The following CRACD variants were observed in gnomAD, a reference collection of about 807,000 sequenced individuals.
CRACD encodes the protein capping protein-inhibiting regulator of actin dynamics.
Under a neutral mutation model 106.8 loss-of-function variants are expected in CRACD, and 56 were observed. That is an observed-to-expected ratio of 0.52 (90% CI 0.42 to 0.66). CRACD has a LOEUF of 0.66. Ranked by LOEUF, CRACD falls within the 30% of genes least tolerant of loss-of-function variation. CRACD has a pLI of 0.00. For missense variants in CRACD, 1,730 were observed against 1,623.2 expected (o/e 1.07, Z -1.13); for synonymous variants, 754 against 670.8 (o/e 1.12, Z -1.92).
rs187376087 is a variant in CRACD, at chr4:56,080,896, C to T, written c.-336+31597C>T. On this transcript the variant is annotated intron_variant, in intron 1 of 10. Transcript: ENST00000682029. Reference sequence around the variant, plus strand: ...ATACATTTGGAGAAGCAATGCCTTTCTCCCTAAAAACAAAATTCTAAGTGG... The same window carrying T: ...ATACATTTGGAGAAGCAATGCCTTTTTCCCTAAAAACAAAATTCTAAGTGG... Among the ~76,000 whole-genome samples, 4 of 152,350 alleles carry T rather than the reference C, an allele frequency of 2.6e-5. No homozygotes were observed. In the East Asian group the frequency reaches 7.7e-4, roughly 29 times the overall value.
intron 2 of CRACD, among the ~76,000 whole-genome samples, chr4:56,232,473 T>C (rs1739681644): frequency 6.6e-6 from 1 of 152,102 alleles, no homozygotes; most frequent in Non-Finnish European, 1.5e-5. Context: ...TTGTTGGGCA[T>C]GTTTTCATTT....
chr4:56,089,096 A>AAATG lies in CRACD; in HGVS notation c.-336+39801_-336+39804dup. Among the ~76,000 whole-genome samples, 2 of 152,376 alleles carry AAATG rather than the reference A, an allele frequency of 1.3e-5. 1 individual carries two copies. Among genetic ancestry groups the AAATG allele is most frequent in the Middle Eastern group, 6.8e-3 (2 of 294 alleles). On this transcript the variant is annotated intron_variant, in intron 1 of 10. Coordinates refer to ENST00000682029, the MANE Select transcript of CRACD (RefSeq NM_001393381.1). ...GAGATATTTTACTTTGGGTTTGAGT[A>AAATG]AATGAATTAATATTTAATATCACCA...
intron 2 of CRACD, among the ~76,000 whole-genome samples, chr4:56,187,120 T>C (rs750969911): frequency 6.6e-6 from 1 of 151,890 alleles, no homozygotes; most frequent in Non-Finnish European, 1.5e-5. Flanking sequence ...AACCTTTGAA[T>C]CTAGCATTGC....
At chr4:56,188,237 T>G (rs1334462342) in intron 2 of CRACD, among the ~76,000 whole-genome samples, 1 of 152,224 alleles carries the variant, frequency 6.6e-6, no homozygotes, top group East Asian at 1.9e-4. Flanking sequence ...TATTTTCATT[T>G]CTTTATGGTG....
chr4:56,190,050 A>G (rs1209030691), intron 2 of CRACD, among the ~76,000 whole-genome samples: 1 of 139,380 alleles, frequency 7.2e-6, no homozygotes, highest in African/African-American at 2.7e-5. Context: ...ATTCCCACCT[A>G]TGAGTGAGAA....
At chr4:56,184,628 T>G (rs1737006418) in intron 2 of CRACD, among the ~76,000 whole-genome samples, 1 of 152,326 alleles carries the variant, frequency 6.6e-6, no homozygotes, top group South Asian at 2.1e-4. Context: ...CTGCAGCTGT[T>G]GATTGTGAAG....
At chr4:56,050,760 A>AAG (rs749386908) in intron 1 of CRACD, among the ~76,000 whole-genome samples, 1 of 65,046 alleles carries the variant, frequency 1.5e-5, no homozygotes, top group African/African-American at 1.2e-4. Context: ...GTGGGCAGGG[A>AAG]AAAAATCATG....
intron 1 of CRACD, among the ~76,000 whole-genome samples, chr4:56,169,642 G>A (rs1358683163): frequency 1.3e-5 from 2 of 152,026 alleles, no homozygotes; most frequent in East Asian, 1.9e-4. Flanking sequence ...GACTACAGGT[G>A]CACACCACCA....
intron 1 of CRACD, among the ~76,000 whole-genome samples, chr4:56,144,525 TA>T (rs1352767327): frequency 6.6e-6 from 1 of 152,208 alleles, no homozygotes; most frequent in African/African-American, 2.4e-5. Flanking sequence ...CCAGGGTTTC[TA>T]ACTGGGATGT....
rs181278155 is a variant in CRACD, at chr4:56,223,578, C to G, written c.-189+44148C>G. ...TTCCAACTTTTTCTTTTCCAGTTGG[C>G]TGTCCAGCTGTCCCAGCAACACTTA... On this transcript the variant is annotated intron_variant, in intron 2 of 10. Coordinates refer to ENST00000682029, the MANE Select transcript of CRACD (RefSeq NM_001393381.1). 1.5e-4 allele frequency among the ~76,000 whole-genome samples: 23 copies of G among 152,264 alleles called. No individual in the cohort carries two copies. The East Asian group carries it at 4.2e-3, about 28-fold the overall frequency.
intron 1 of CRACD, among the ~76,000 whole-genome samples, chr4:56,051,738 A>T (rs1343677380): frequency 6.6e-6 from 1 of 152,204 alleles, no homozygotes; most frequent in Non-Finnish European, 1.5e-5. Context: ...CTTTTGGATA[A>T]CTTTTACATA....
intron 1 of CRACD, among the ~76,000 whole-genome samples, chr4:56,058,863 A>G (rs1052399752): frequency 2.6e-5 from 4 of 152,130 alleles, no homozygotes; most frequent in Admixed American, 6.5e-5. Flanking sequence ...GTGAACAACA[A>G]TTTTGTCAGG....
intron 2 of CRACD, among the ~76,000 whole-genome samples, chr4:56,201,014 A>G (rs924206628): frequency 1.3e-5 from 2 of 152,250 alleles, no homozygotes; most frequent in Non-Finnish European, 2.9e-5. Flanking sequence ...ACTGATTTCT[A>G]AAACTCACCA....
At chr4:56,077,390 A>T (rs943635650) in intron 1 of CRACD, among the ~76,000 whole-genome samples, 1 of 152,166 alleles carries the variant, frequency 6.6e-6, no homozygotes, top group Non-Finnish European at 1.5e-5. Flanking sequence ...GGGGATTACA[A>T]TTCAAGATGA....
intron 5 of CRACD, 39 bp downstream of exon 5, chr4:56,307,738 C>G: frequency 6.2e-7 from 1 of 1,607,668 alleles, no homozygotes; most frequent in South Asian, 1.1e-5. Context: ...GGCTCATAAA[C>G]CAGGGCAGGA....
At chr4:56,263,670 A>G (rs10030295) in intron 2 of CRACD, among the ~76,000 whole-genome samples, 40,619 of 151,972 alleles carry the variant, frequency 0.27, 5,563 homozygotes, top group African/African-American at 0.29. Flanking sequence ...ATTCGCATTC[A>G]GAGGTACTGG....
intron 1 of CRACD, among the ~76,000 whole-genome samples, chr4:56,156,535 C>T (rs992964046): frequency 5.9e-5 from 9 of 152,170 alleles, no homozygotes; most frequent in African/African-American, 1.7e-4. Context: ...TTTGAAAGTA[C>T]TTTGTGACCA....
At chr4:56,270,322 CTG>C (rs753639218) in intron 2 of CRACD, among the ~76,000 whole-genome samples, 10 of 152,102 alleles carry the variant, frequency 6.6e-5, no homozygotes, top group East Asian at 1.9e-4. Flanking sequence ...TCCCGAGTAA[CTG>C]AGATTACAGG....
intron 2 of CRACD, among the ~76,000 whole-genome samples, chr4:56,264,889 G>C (rs564750576): frequency 4.9e-4 from 74 of 152,202 alleles, no homozygotes; most frequent in African/African-American, 1.7e-3. Flanking sequence ...TCTGTTCGGG[G>C]TCCCTGACTT....
Sources: allele counts gnomAD v4.1 joint callset (sites outside exome capture counted in the v4.1 genomes callset), GRCh38; gene constraint gnomAD v4.1.1; transcripts MANE v1.5; gene names NCBI Gene and HGNC (gene_info 2026-07-23, HGNC 2026-07-21).